MCM10: variants seen among roughly 807,000 people sequenced by gnomAD.
MCM10 encodes protein MCM10 homolog.
MCM10 carries 91 observed loss-of-function variants against 109.9 expected under a neutral mutation model. The observed-to-expected ratio is 0.83, with a 90% confidence interval of 0.70 to 0.99. The LOEUF is 0.99. Ranked by LOEUF, MCM10 falls within the 50% of genes least tolerant of loss-of-function variation. The pLI, the probability that MCM10 is intolerant of heterozygous loss-of-function variation, is 0.00. For synonymous variants in MCM10, 380 were observed against 387.2 expected (o/e 0.98, Z 0.22); for missense variants, 1,077 against 1,061.2 (o/e 1.01, Z -0.21).
At position 13,180,577 on chromosome 10, in the gene MCM10, G is replaced by T. The variant is rs1333950379; in HGVS notation, c.900G>T (p.Leu300Phe). 1.4e-5 allele frequency: 22 copies of T among 1,614,156 alleles called. No homozygotes were observed. The highest frequency in any genetic ancestry group is 1.8e-5 in the Non-Finnish European group (21 of 1,180,038). ...ATTGGGTGACATTTGGGGTTATATT[G>T]AAGAAGGTTACGCCACAGAGTGTGA... Reference protein sequence around the residue: ...EIDWVTFGVILKKVTPQSVNS... With the variant: ...EIDWVTFGVIFKKVTPQSVNS... Residue 300 changes from leucine (L) to phenylalanine (F), a missense_variant, in exon 7 of 20, where the codon TTG becomes TTT. Coordinates refer to ENST00000378714, the MANE Select transcript of MCM10 (RefSeq NM_018518.5).
Position 13,164,207 on chromosome 10 carries a change from A to C in MCM10, c.5A>C (p.Asp2Ala). The change falls in exon 2 of 20, where the codon GAT (aspartate) becomes GCT (alanine). Residue 2 changes from aspartate (D) to alanine (A), a missense_variant and splice_region_variant. Physicochemically the swap from Asp to Ala is moderately radical, Grantham distance 126. Coordinates refer to ENST00000378714, the MANE Select transcript of MCM10 (RefSeq NM_018518.5). M[D>A]EEEDNLSLLT... Reference sequence around the variant, plus strand: ...CACAACTGTCCTCTTGACAGCATGGATGGTAAGACCTGGCAGTTTTCTGTT... The same window carrying C: ...CACAACTGTCCTCTTGACAGCATGGCTGGTAAGACCTGGCAGTTTTCTGTT... The C allele has an allele frequency of 6.3e-7, 1 of 1,597,734 alleles. No individual in the cohort carries two copies. Among genetic ancestry groups the C allele is most frequent in the Non-Finnish European group, 8.5e-7 (1 of 1,175,558 alleles).
At chr10:13,162,628 G>A (rs1245608463) in intron 1 of MCM10, among the ~76,000 whole-genome samples, 1 of 151,964 alleles carries the variant, frequency 6.6e-6, no homozygotes, top group Non-Finnish European at 1.5e-5. Flanking sequence ...GGCGAGGGAG[G>A]GTGCACAGTT....
chr10:13,180,804 G>T (rs1834200655), intron 7 of MCM10, among the ~76,000 whole-genome samples, 197 bp downstream of exon 7: 1 of 152,166 alleles, frequency 6.6e-6, no homozygotes. Context: ...AGACCTGGTG[G>T]TACAGGTTTC....
chr10:13,161,718 C>T (rs1389094792), intron 1 of MCM10, 112 bp downstream of exon 1: 1 of 152,364 alleles, frequency 6.6e-6, no homozygotes, highest in Non-Finnish European at 1.5e-5. Flanking sequence ...GCGCGGGGTC[C>T]CGGGAGCTCG....
At chr10:13,202,512 T>G (rs1834513653) in intron 17 of MCM10, among the ~76,000 whole-genome samples, 1 of 152,226 alleles carries the variant, frequency 6.6e-6, no homozygotes, top group Non-Finnish European at 1.5e-5. Flanking sequence ...CTTTTCTCTG[T>G]CTTATTCCTT....
At chr10:13,208,566 CAAAAA>C (rs55683228) in intron 18 of MCM10, among the ~76,000 whole-genome samples, 3 of 114,452 alleles carry the variant, frequency 2.6e-5, no homozygotes, top group Admixed American at 1.0e-4. Flanking sequence ...CCCATCTCTC[CAAAAA>C]AAAAAAAAAA....
rs770113124 is a variant in MCM10 at position 13,172,766 on chromosome 10, G to C, written c.592+1G>C. Reference sequence around the variant, plus strand: ...CGAACACCAAAGGCTTCACCTCCAGGTGTAGTACTTGCGGTCTCAGTATCT... The same window carrying C: ...CGAACACCAAAGGCTTCACCTCCAGCTGTAGTACTTGCGGTCTCAGTATCT... On this transcript the variant is annotated splice_donor_variant, in intron 5 of 19. Coordinates refer to ENST00000378714, the MANE Select transcript of MCM10 (RefSeq NM_018518.5). LOFTEE classifies it high-confidence loss of function. This position sits in a 1 kb window ranked among gnomAD's most constrained non-coding sequence, Gnocchi z 5.2. The C allele has an allele frequency of 1.9e-6, 3 of 1,613,922 alleles. No homozygotes were observed. Among genetic ancestry groups the C allele is most frequent in the Non-Finnish European group, 2.5e-6 (3 of 1,180,010 alleles).
chr10:13,204,993 T>C (rs112084812), intron 18 of MCM10, among the ~76,000 whole-genome samples: 1 of 4,582 alleles, frequency 2.2e-4, no homozygotes, highest in Non-Finnish European at 6.3e-4. Flanking sequence ...CATGTATGTA[T>C]GTATGTATGT....
At chr10:13,207,287 T>C (rs754866472) in intron 18 of MCM10, among the ~76,000 whole-genome samples, 2 of 152,208 alleles carry the variant, frequency 1.3e-5, no homozygotes, top group Admixed American at 6.5e-5. Flanking sequence ...ACTTTATTTA[T>C]AAAAACTGGT....
At chr10:13,164,036 A>T (rs1833962270) in intron 1 of MCM10, 92 bp from the exon 2 acceptor site, 2 of 485,768 alleles carry the variant, frequency 4.1e-6, no homozygotes, top group Non-Finnish European at 7.2e-6. Context: ...GTTAGAGCCC[A>T]TAGGAGTGGT....
chr10:13,198,600 G>A, intron 15 of MCM10, 89 bp from the exon 16 acceptor site: 1 of 807,952 alleles, frequency 1.2e-6, no homozygotes, highest in Non-Finnish European at 2.1e-6. Flanking sequence ...AGGCAGAGGA[G>A]GAGGGAGTGG....
intron 2 of MCM10, among the ~76,000 whole-genome samples, chr10:13,166,707 G>A (rs556076328): frequency 1.3e-4 from 19 of 144,424 alleles, no homozygotes; most frequent in African/African-American, 4.9e-4. Context: ...TAAGAGTAAA[G>A]AGTGGGGAGT....
chr10:13,199,659 AAAG>A (rs1322698544), intron 16 of MCM10, among the ~76,000 whole-genome samples: 1 of 152,242 alleles, frequency 6.6e-6, no homozygotes, highest in Non-Finnish European at 1.5e-5. Flanking sequence ...GAAAAAATGA[AAAG>A]ATTTGTGATA....
intron 13 of MCM10, 70 bp from the exon 14 acceptor site, chr10:13,194,971 C>A: frequency 7.0e-7 from 1 of 1,428,802 alleles, no homozygotes; most frequent in Non-Finnish European, 9.6e-7. Context: ...GCCTCCCAGT[C>A]CACTTTGAGT....
chr10:13,200,249 C>G, intron 16 of MCM10, among the ~76,000 whole-genome samples: 1 of 152,036 alleles, frequency 6.6e-6, no homozygotes, highest in East Asian at 1.9e-4. Context: ...AGGGTTTAAT[C>G]AGGTTCCCCA....
At chr10:13,187,215 T>C (rs1240165276) in intron 9 of MCM10, among the ~76,000 whole-genome samples, 1 of 152,186 alleles carries the variant, frequency 6.6e-6, no homozygotes, top group Non-Finnish European at 1.5e-5. Context: ...ACATTTCATA[T>C]AATGGAATCA....
intron 2 of MCM10, among the ~76,000 whole-genome samples, chr10:13,165,908 A>G (rs1588463847): frequency 1.3e-5 from 2 of 151,624 alleles, no homozygotes; most frequent in East Asian, 3.9e-4. Context: ...AAAAGAAATC[A>G]TAATATTTAG....
intron 16 of MCM10, among the ~76,000 whole-genome samples, chr10:13,199,126 C>T (rs1834463116): frequency 6.6e-6 from 1 of 152,200 alleles, no homozygotes; most frequent in Non-Finnish European, 1.5e-5. Context: ...TAACTCCTGA[C>T]CTCAAGTGAT....
rs141967915 is a variant in MCM10, at chr10:13,171,117, G to T, written c.203G>T (p.Arg68Ile). Residue 68 changes from arginine (R) to isoleucine (I), a missense_variant, in exon 3 of 20, where the codon AGA becomes ATA. Physicochemically the swap from Arg to Ile is moderately conservative, Grantham distance 97 (BLOSUM62 -3). Coordinates refer to ENST00000378714, the MANE Select transcript of MCM10 (RefSeq NM_018518.5). ...GATGATGGAGAAACAGGAGAGACAA[G>T]AGACGAAAAGGAAAATCTGGCCACT... ...EADDGETGET[R>I]DEKENLATLF... 1 of 1,614,216 alleles carries T rather than the reference G, an allele frequency of 6.2e-7. No homozygotes were observed. The highest frequency in any genetic ancestry group is 8.5e-7 in the Non-Finnish European group (1 of 1,180,034).
Sources: allele counts gnomAD v4.1 joint callset (sites outside exome capture counted in the v4.1 genomes callset), GRCh38; gene constraint gnomAD v4.1.1; non-coding constraint Gnocchi (gnomAD v3.1); transcripts MANE v1.5; gene names NCBI Gene and HGNC (gene_info 2026-07-23, HGNC 2026-07-21).